The following MSN variants were observed in gnomAD, a reference collection of about 807,000 sequenced individuals.
MSN encodes the protein epididymis luminal protein 70.
Under a neutral mutation model 48.0 loss-of-function variants are expected in MSN, and 2 were observed. The ratio of observed to expected loss-of-function variants is 0.04; its 90% confidence interval spans 0.02 to 0.13. The LOEUF is 0.13. Among genes scored for constraint, MSN ranks in the 10% least tolerant of loss-of-function variants. The pLI, the probability that MSN is intolerant of heterozygous loss-of-function variation, is 1.00. For synonymous variants in MSN, 146 were observed against 166.9 expected, an observed-to-expected ratio of 0.87 and a Z score of 0.97; for missense variants, 267 against 470.1, an observed-to-expected ratio of 0.57 and a Z score of 3.99.
intron 1 of MSN, among the ~76,000 whole-genome samples, chrX:65,714,908 C>T (rs192395445): frequency 6.4e-4 from 72 of 111,628 alleles, no homozygotes; most frequent in East Asian, 8.3e-4. Flanking sequence ...AATGGTATTA[C>T]GTAGGTTTTC....
chrX:65,733,466 C>T (rs1256610687), intron 7 of MSN, among the ~76,000 whole-genome samples, 186 bp downstream of exon 7: 9 of 112,319 alleles, frequency 8.0e-5, no homozygotes, highest in Non-Finnish European at 1.9e-5. Flanking sequence ...CAAGAAATGG[C>T]CAGCAGACAT....
chrX:65,637,294 C>T (rs2070612255), intron 1 of MSN, among the ~76,000 whole-genome samples: 1 of 106,170 alleles, frequency 9.4e-6, no homozygotes, highest in African/African-American at 3.4e-5. Flanking sequence ...CCCAGCTACT[C>T]GGGAGGCCGA....
intron 1 of MSN, among the ~76,000 whole-genome samples, chrX:65,657,446 G>T (rs1042064396): frequency 9.1e-6 from 1 of 110,246 alleles, no homozygotes; most frequent in African/African-American, 3.4e-5. Context: ...ACTGGTCAGT[G>T]GGGGCAGGGC....
At position 65,729,440 on chromosome X, in the gene MSN, G is replaced by T. The variant is rs752017302; in HGVS notation, c.195G>T (p.Val65=). 1 of 1,209,383 alleles carries T rather than the reference G, an allele frequency of 8.3e-7. No individual in the cohort carries two copies. The highest frequency in any genetic ancestry group is 1.1e-6 in the Non-Finnish European group (1 of 894,341). ...TCCATAACCCTTACTCTTCCCAGGTGACTGCCCAGGATGTGCGGAAGGAAA... is the reference window on the plus strand; with the variant it reads ...TCCATAACCCTTACTCTTCCCAGGTTACTGCCCAGGATGTGCGGAAGGAAA... ...FSTWLKLNKK[V]TAQDVRKESP... The change falls in exon 4 of 13, where the codon GTG becomes GTT. Residue 65 remains valine (V), a splice_region_variant and synonymous_variant. Coordinates refer to ENST00000360270, the MANE Select transcript of MSN (RefSeq NM_002444.3).
At chrX:65,707,760 T>C (rs1240921930) in intron 1 of MSN, among the ~76,000 whole-genome samples, 1 of 112,275 alleles carries the variant, frequency 8.9e-6, no homozygotes, top group Admixed American at 9.4e-5. Flanking sequence ...CAGTGGGCCC[T>C]CTGTGGCAGT....
At chrX:65,714,379 T>G (rs145882586) in intron 1 of MSN, among the ~76,000 whole-genome samples, 105 of 112,207 alleles carry the variant, frequency 9.4e-4, no homozygotes, top group African/African-American at 3.2e-3. Context: ...TTCAGGTCTT[T>G]GAGAAATTGC....
intron 6 of MSN, 110 bp from the exon 7 acceptor site, chrX:65,733,072 AAG>A (rs113973416): frequency 8.8e-5 from 44 of 500,817 alleles, no homozygotes; most frequent in Admixed American, 1.5e-4. Context: ...AAAAAAAAAA[AAG>A]AGAGAGAGAG....
At chrX:65,731,728 C>G in intron 5 of MSN, 110 bp from the exon 6 acceptor site, 1 of 922,781 alleles carries the variant, frequency 1.1e-6, no homozygotes, top group Admixed American at 2.8e-5. Flanking sequence ...TCCCCTTTCC[C>G]ACTCCTGATA....
At chrX:65,701,801 C>T (rs1255641098) in intron 1 of MSN, among the ~76,000 whole-genome samples, 1 of 111,540 alleles carries the variant, frequency 9.0e-6, no homozygotes, top group African/African-American at 3.3e-5. Context: ...AAGCTATGTT[C>T]CTCTTACTAC....
At chrX:65,602,990 G>A (rs973873426) in intron 1 of MSN, among the ~76,000 whole-genome samples, 9 of 111,871 alleles carry the variant, frequency 8.0e-5, no homozygotes, top group African/African-American at 2.9e-4. Context: ...CGTGCTCAAG[G>A]TTACACAGAA....
chrX:65,729,303 T>A (rs2071598774), intron 3 of MSN, 135 bp from the exon 4 acceptor site: 1 of 629,452 alleles, frequency 1.6e-6, no homozygotes, highest in African/African-American at 2.2e-5. Flanking sequence ...TTTTCTTAAT[T>A]ACCAGGGGAG....
chrX:65,702,365 T>C (rs1463090273), intron 1 of MSN, among the ~76,000 whole-genome samples: 3 of 106,613 alleles, frequency 2.8e-5, no homozygotes, highest in Non-Finnish European at 5.8e-5. Context: ...ATCCCTCTAG[T>C]CATATTAACA....
At chrX:65,637,303 G>A (rs1251759548) in intron 1 of MSN, among the ~76,000 whole-genome samples, 2 of 108,049 alleles carry the variant, frequency 1.9e-5, no homozygotes, top group Non-Finnish European at 3.8e-5. Context: ...TCGGGAGGCC[G>A]AGGCAGGAGA....
chrX:65,681,989 A>G, intron 1 of MSN, among the ~76,000 whole-genome samples: 1 of 111,662 alleles, frequency 9.0e-6, no homozygotes, highest in Non-Finnish European at 1.9e-5. Context: ...CCTGACTCCA[A>G]CTGGCCCTAG....
At chrX:65,596,938 G>A (rs2070191819) in intron 1 of MSN, among the ~76,000 whole-genome samples, 1 of 112,074 alleles carries the variant, frequency 8.9e-6, no homozygotes, top group Non-Finnish European at 1.9e-5. Flanking sequence ...CTGCCTTTAA[G>A]TGTTCACAAT....
intron 1 of MSN, among the ~76,000 whole-genome samples, chrX:65,627,925 G>T (rs2070521455): frequency 8.9e-6 from 1 of 112,122 alleles, no homozygotes; most frequent in Non-Finnish European, 1.9e-5. Context: ...CAGGGCCCAT[G>T]CAAGTCTGAA....
chrX:65,651,771 T>A (rs1464157585), intron 1 of MSN, among the ~76,000 whole-genome samples: 1 of 106,128 alleles, frequency 9.4e-6, no homozygotes, highest in Non-Finnish European at 1.9e-5. Context: ...GTATTTTTAG[T>A]AGAGATGGGG....
At chrX:65,659,669 T>A (rs2070807966) in intron 1 of MSN, among the ~76,000 whole-genome samples, 1 of 111,555 alleles carries the variant, frequency 9.0e-6, no homozygotes. Flanking sequence ...AGCTCCAGAA[T>A]GTCCCTGTAC....
At chrX:65,640,492 C>T (rs767175205) in intron 1 of MSN, among the ~76,000 whole-genome samples, 5 of 112,116 alleles carry the variant, frequency 4.5e-5, no homozygotes, top group Admixed American at 9.5e-5. Context: ...TGCAGTGAGC[C>T]GAGGTAGTGC....
Sources: allele counts gnomAD v4.1 joint callset (sites outside exome capture counted in the v4.1 genomes callset), GRCh38; gene constraint gnomAD v4.1.1; transcripts MANE v1.5; gene names NCBI Gene and HGNC (gene_info 2026-07-23, HGNC 2026-07-21).